RNF111: variants seen among roughly 807,000 people sequenced by gnomAD.
RNF111 encodes the protein ring finger protein 111.
A neutral mutation model predicts 95.1 loss-of-function variants in RNF111; 17 were observed. The ratio of observed to expected loss-of-function variants is 0.18; its 90% CI spans 0.12 to 0.27. RNF111 has a LOEUF of 0.27. Among genes scored for constraint, RNF111 ranks in the 10% least tolerant of loss-of-function variants. The pLI is 1.00. For missense variants in RNF111, 1,189 were observed against 1,210.4 expected (o/e 0.98, Z 0.26); for synonymous variants, 440 against 414.8 (o/e 1.06, Z -0.74).
rs969402036 is a variant in RNF111 at position 59,052,988 on chromosome 15, G to T, written c.1007+557G>T. Among the ~76,000 whole-genome samples, 6 of 151,976 alleles carry T rather than the reference G, an allele frequency of 3.9e-5. No homozygotes were observed. In the South Asian group the frequency reaches 1.2e-3, roughly 32 times the overall value. On this transcript the variant is annotated intron_variant, in intron 3 of 13. Transcript: ENST00000348370. ...GAATAATACATAAATATTGGGGATG[G>T]TACCAAATTAAAAATGAAAAAATAT...
intron 1 of RNF111, among the ~76,000 whole-genome samples, chr15:58,999,779 A>G (rs1459616053): frequency 6.6e-6 from 1 of 152,194 alleles, no homozygotes; most frequent in African/African-American, 2.4e-5. Flanking sequence ...AATTGGCTCA[A>G]GGTTCCATAG....
chr15:59,030,738 C>T, intron 1 of RNF111, 66 bp from the exon 2 acceptor site: 1 of 1,123,552 alleles, frequency 8.9e-7, no homozygotes, highest in Non-Finnish European at 1.2e-6. Context: ...AATTTGAGAA[C>T]TCTTCAATTA....
intron 1 of RNF111, among the ~76,000 whole-genome samples, chr15:59,026,901 T>C (rs2040639120): frequency 6.6e-6 from 1 of 152,168 alleles, no homozygotes; most frequent in Non-Finnish European, 1.5e-5. Flanking sequence ...CACCACAGCA[T>C]ACACCAAACC....
chr15:59,031,158 C>G lies in RNF111; in HGVS notation c.336C>G (p.Asn112Lys). 6.2e-7 allele frequency: 1 copy of G among 1,614,032 alleles called. No homozygotes were observed. The highest frequency in any genetic ancestry group is 8.5e-7 in the Non-Finnish European group (1 of 1,179,984). ...PSYVQNCVKE[N>K]QGILGLRQHL... The stretch of plus-strand genomic sequence containing the variant: ...ATGTGCAGAATTGTGTTAAAGAAAA[C>G]CAGGGAATATTAGGACTGAGGCAAC... Residue 112 changes from asparagine (N) to lysine (K), a missense_variant, in exon 2 of 14, where the codon AAC (asparagine) becomes AAG (lysine). This residue lies in a region of RNF111 where 1,024 missense variants were observed against 925.9 expected (regional missense o/e 1.11). Transcript: ENST00000348370.
At chr15:59,075,457 A>G (rs904001777) in intron 6 of RNF111, among the ~76,000 whole-genome samples, 5 of 152,202 alleles carry the variant, frequency 3.3e-5, no homozygotes, top group African/African-American at 1.2e-4. Context: ...AGATTTGTTT[A>G]TTAGCACTTT....
At chr15:58,990,919 C>T (rs144525991) in intron 1 of RNF111, among the ~76,000 whole-genome samples, 2 of 152,174 alleles carry the variant, frequency 1.3e-5, no homozygotes, top group Admixed American at 1.3e-4. Flanking sequence ...CCTACAGATT[C>T]TTGGTAACAG....
At chr15:59,085,474 T>TA (rs1566943448) in intron 9 of RNF111, 185 bp from the exon 10 acceptor site, 1 of 408,066 alleles carries the variant, frequency 2.5e-6, no homozygotes, top group African/African-American at 2.1e-5. Flanking sequence ...TTTAAGTTTT[T>TA]AGAGCTTTCA....
intron 1 of RNF111, among the ~76,000 whole-genome samples, chr15:59,030,569 G>C (rs1454396215): frequency 2.0e-5 from 3 of 152,140 alleles, no homozygotes; most frequent in Non-Finnish European, 2.9e-5. Flanking sequence ...TTTTAAGTAG[G>C]CTTATGCTCT....
At chr15:59,080,458 CA>C (rs2078707891) in intron 7 of RNF111, among the ~76,000 whole-genome samples, 1 of 152,058 alleles carries the variant, frequency 6.6e-6, no homozygotes, top group African/African-American at 2.4e-5. Context: ...TTAATTATGG[CA>C]ACCTTTTGGA....
At position 58,990,368 on chromosome 15, in the gene RNF111, T is replaced by C. The variant is rs1596004111; in HGVS notation, c.-20+2300T>C. ...AAATGTGTATGTGTAAAACCTGTCA[T>C]GAAGCTGTGGGCCAGGCGTGGTGGC... On this transcript the variant is annotated intron_variant, in intron 1 of 13. Transcript: ENST00000348370. Among the ~76,000 whole-genome samples, 2 of 152,306 alleles carry C rather than the reference T, an allele frequency of 1.3e-5. 1 individual carries two copies. The highest frequency in any genetic ancestry group is 4.1e-4 in the South Asian group (2 of 4,828).
At chr15:58,995,348 T>C (rs1246371536) in intron 1 of RNF111, among the ~76,000 whole-genome samples, 1 of 152,260 alleles carries the variant, frequency 6.6e-6, no homozygotes, top group Non-Finnish European at 1.5e-5. Context: ...GTTTCCTGTT[T>C]TATTCAGTGG....
At chr15:59,022,253 C>T (rs779259302) in intron 1 of RNF111, among the ~76,000 whole-genome samples, 13 of 152,126 alleles carry the variant, frequency 8.5e-5, no homozygotes, top group Non-Finnish European at 1.6e-4. Context: ...TAGTTCTCTA[C>T]CCTAAGTGTT....
chr15:59,043,076 A>C (rs2041542035), intron 2 of RNF111, among the ~76,000 whole-genome samples: 1 of 152,132 alleles, frequency 6.6e-6, no homozygotes, highest in East Asian at 1.9e-4. Flanking sequence ...TTCTTTTAAA[A>C]ATTATTGAGG....
chr15:59,055,192 G>A (rs1441664198), intron 3 of RNF111, among the ~76,000 whole-genome samples: 1 of 152,084 alleles, frequency 6.6e-6, no homozygotes, highest in East Asian at 1.9e-4. Context: ...AATCTCCCTG[G>A]TGCCTGTTTA....
chr15:59,059,635 G>A (rs4775114), intron 5 of RNF111, among the ~76,000 whole-genome samples: 42,099 of 151,996 alleles, frequency 0.28, 6,038 homozygotes, highest in Middle Eastern at 0.44. Flanking sequence ...GCCTAATCCA[G>A]GGTCACAAAA....
chr15:59,043,042 G>T lies in RNF111; in HGVS notation c.881-9263G>T, dbSNP rs184339877. Among the ~76,000 whole-genome samples the T allele has an allele frequency of 1.3e-3, 196 of 152,128 alleles. 1 individual carries two copies. Among genetic ancestry groups the T allele is most frequent in the African/African-American group, 3.6e-3 (149 of 41,530 alleles). On this transcript the variant is annotated intron_variant, in intron 2 of 13. Coordinates refer to ENST00000348370, the MANE Select transcript of RNF111 (RefSeq NM_017610.8). ...TCTTCATTTGTTGATGTCTAGTTTT[G>T]TATCTTGCAGAGAGCGTTTTATGTT...
At chr15:59,046,442 C>T (rs1197233885) in intron 2 of RNF111, among the ~76,000 whole-genome samples, 1 of 152,202 alleles carries the variant, frequency 6.6e-6, no homozygotes, top group Admixed American at 6.5e-5. Context: ...ATCTGCCCAC[C>T]TCAGCCTACC....
intron 5 of RNF111, among the ~76,000 whole-genome samples, chr15:59,066,480 C>A (rs1351020464): frequency 6.6e-6 from 1 of 151,968 alleles, no homozygotes; most frequent in Non-Finnish European, 1.5e-5. Context: ...CGTGGTGGTG[C>A]ATGCCTGTAA....
intron 12 of RNF111, among the ~76,000 whole-genome samples, chr15:59,091,940 G>A (rs1201334967): frequency 6.6e-6 from 1 of 152,200 alleles, no homozygotes; most frequent in Non-Finnish European, 1.5e-5. Flanking sequence ...CTGACAGGAG[G>A]AAGAGCTCCA....
Sources: gnomAD v4.1 joint callset for allele counts (sites outside exome capture counted in the v4.1 genomes callset) on GRCh38, gnomAD v4.1.1 for gene constraint, gnomAD v4.1.1 regional missense constraint, MANE v1.5 for transcripts, NCBI Gene and HGNC (gene_info 2026-07-23, HGNC 2026-07-21) for gene names.